Variants in CACNA1C observed in about 807,000 individuals in gnomAD.
CACNA1C encodes calcium voltage-gated channel subunit alpha1 C.
In CACNA1C, 30 loss-of-function variants were observed where a neutral mutation model predicts 229.0. The ratio of observed to expected loss-of-function variants is 0.13; its 90% CI spans 0.10 to 0.18. The LOEUF is 0.18. Ranked by LOEUF, CACNA1C falls within the 10% of genes least tolerant of loss-of-function variation. CACNA1C has a pLI of 1.00. For synonymous variants in CACNA1C, 1,114 were observed against 1,132.5 expected, an observed-to-expected ratio of 0.98 and a Z score of 0.33; for missense variants, 1,658 against 2,845.0, an observed-to-expected ratio of 0.58 and a Z score of 9.49.
chr12:2,382,193 T>G (rs780390090), intron 3 of CACNA1C, among the ~76,000 whole-genome samples: 8 of 152,204 alleles, frequency 5.3e-5, no homozygotes, highest in Admixed American at 2.6e-4. Context: ...ACAATAGCAT[T>G]AGCAGTTTCT....
At chr12:2,057,612 T>G (rs1434027787) in intron 1 of CACNA1C, among the ~76,000 whole-genome samples, 3 of 152,188 alleles carry the variant, frequency 2.0e-5, no homozygotes, top group African/African-American at 7.2e-5. Flanking sequence ...GGTCCCACAG[T>G]GACCTCTCCA....
At chr12:2,454,453 C>A (rs2099404018) in intron 4 of CACNA1C, among the ~76,000 whole-genome samples, 1 of 152,184 alleles carries the variant, frequency 6.6e-6, no homozygotes, top group Admixed American at 6.5e-5. Flanking sequence ...ACTCTTCATC[C>A]CTGCCACCAT....
chr12:2,519,609 G>A (rs981789989), intron 9 of CACNA1C, among the ~76,000 whole-genome samples: 11 of 152,222 alleles, frequency 7.2e-5, no homozygotes, highest in African/African-American at 1.9e-4. Context: ...TTGAAGTGCC[G>A]TGGGAAAGCA....
chr12:2,151,041 G>A (rs1211363992), intron 3 of CACNA1C, among the ~76,000 whole-genome samples: 1 of 152,112 alleles, frequency 6.6e-6, no homozygotes, highest in South Asian at 2.1e-4. Flanking sequence ...TGGCAATTAC[G>A]GAGAAGCATG....
Position 2,486,370 on chromosome 12 carries a change from C to G in CACNA1C, c.916+108C>G. 1.2e-6 allele frequency: 1 copy of G among 867,278 alleles called. No individual in the cohort carries two copies. The highest frequency in any genetic ancestry group is 1.7e-6 in the Non-Finnish European group (1 of 575,676). 53.7% of individuals were successfully genotyped at this position (867,278 alleles called of 1,614,324 possible). A position where few individuals can be genotyped will look rare whatever the true frequency, so the allele number is the denominator to read the frequency against. The stretch of plus-strand genomic sequence containing the variant: ...TGACCAGCAGAGCCCAGGGAAGGCC[C>G]CATTCATTCAGACACACACTGGGCA... On this transcript the variant is annotated intron_variant, in intron 6 of 46. Transcript: ENST00000399655. This position sits in a 1 kb window ranked among gnomAD's most constrained non-coding sequence, Gnocchi z 4.9.
At chr12:2,674,312 G>A (rs1603444939) in intron 38 of CACNA1C, among the ~76,000 whole-genome samples, 1 of 152,228 alleles carries the variant, frequency 6.6e-6, no homozygotes, top group African/African-American at 2.4e-5. Context: ...GAATGGCATT[G>A]GACGGGGCAC....
chr12:2,455,956 G>A (rs1247353164), intron 4 of CACNA1C, among the ~76,000 whole-genome samples: 1 of 152,046 alleles, frequency 6.6e-6, no homozygotes, highest in Non-Finnish European at 1.5e-5. Context: ...CATACAATTT[G>A]ACTTTAAATA....
intron 3 of CACNA1C, among the ~76,000 whole-genome samples, chr12:2,356,618 A>G (rs375860191): frequency 6.6e-6 from 1 of 152,232 alleles, no homozygotes; most frequent in East Asian, 1.9e-4. Context: ...TGAGGCAGAA[A>G]AAACATGACC....
chr12:2,408,759 C>A (rs1156999690), intron 3 of CACNA1C, among the ~76,000 whole-genome samples: 1 of 152,186 alleles, frequency 6.6e-6, no homozygotes, highest in Non-Finnish European at 1.5e-5. Flanking sequence ...CATTTCATTT[C>A]TTTTTGCTCA....
intron 38 of CACNA1C, among the ~76,000 whole-genome samples, chr12:2,670,272 T>G (rs1262413026): frequency 6.6e-6 from 1 of 152,106 alleles, no homozygotes; most frequent in Non-Finnish European, 1.5e-5. Flanking sequence ...TGTCCGTCAG[T>G]GTGTTCCTCG....
At chr12:2,308,398 G>C (rs1350551369) in intron 3 of CACNA1C, among the ~76,000 whole-genome samples, 1 of 151,980 alleles carries the variant, frequency 6.6e-6, no homozygotes, top group Non-Finnish European at 1.5e-5. Flanking sequence ...GTGAGATAAG[G>C]GTTCAACAGC....
rs971991187 is a variant in CACNA1C at position 2,545,553 on chromosome 12, C to T, written c.1391-4390C>T. Among the ~76,000 whole-genome samples, 8 of 152,230 alleles carry T rather than the reference C, an allele frequency of 5.3e-5. 1 individual carries two copies. The highest frequency in any genetic ancestry group is 7.4e-5 in the Non-Finnish European group (5 of 68,014). ...GTCTCCACTGCTTTATGACCCAAAT[C>T]GCTCGAATTTGCTCTTTAACATCCT... On this transcript the variant is annotated intron_variant, in intron 9 of 46. Transcript: ENST00000399655.
At chr12:2,177,668 G>A (rs1450382882) in intron 3 of CACNA1C, among the ~76,000 whole-genome samples, 1 of 126,786 alleles carries the variant, frequency 7.9e-6, no homozygotes, top group Non-Finnish European at 1.7e-5. Flanking sequence ...CTTTCTTCTC[G>A]CTCTGTTGCC....
At chr12:2,545,495 C>T (rs2099879502) in intron 9 of CACNA1C, among the ~76,000 whole-genome samples, 1 of 152,154 alleles carries the variant, frequency 6.6e-6, no homozygotes, top group Non-Finnish European at 1.5e-5. Context: ...GTTAGCAATT[C>T]CTGGGCCAAA....
intron 3 of CACNA1C, among the ~76,000 whole-genome samples, chr12:2,127,207 G>T (rs1483911684): frequency 6.6e-6 from 1 of 152,108 alleles, no homozygotes; most frequent in Non-Finnish European, 1.5e-5. Flanking sequence ...CACAGTGCTG[G>T]GTTGAATCAC....
chr12:2,486,359 C>T lies in CACNA1C; in HGVS notation c.916+97C>T. The T allele has an allele frequency of 1.0e-6, 1 of 976,652 alleles. No individual in the cohort carries two copies. The highest frequency in any genetic ancestry group is 1.5e-6 in the Non-Finnish European group (1 of 662,846). 60.5% of individuals were successfully genotyped at this position (976,652 alleles called of 1,614,324 possible). On this transcript the variant is annotated intron_variant, in intron 6 of 46. Transcript: ENST00000399655. The surrounding 1 kb of genome is among the most constrained non-coding windows in gnomAD (Gnocchi z 4.9). ...CTACACCAACATGACCAGCAGAGCC[C>T]AGGGAAGGCCCCATTCATTCAGACA...
In CACNA1C at chr12:2,678,117, G is replaced by A. The variant is rs541204547; in HGVS notation, c.5091+250G>A. Among the ~76,000 whole-genome samples, 2 of 152,290 alleles carry A rather than the reference G, an allele frequency of 1.3e-5. No homozygotes were observed. Among genetic ancestry groups the A allele is most frequent in the Admixed American group, 6.5e-5 (1 of 15,306 alleles). On this transcript the variant is annotated intron_variant, in intron 41 of 46. Coordinates refer to ENST00000399655, the MANE Select transcript of CACNA1C (RefSeq NM_000719.7). This position sits in a 1 kb window ranked among gnomAD's most constrained non-coding sequence, Gnocchi z 4.1. The stretch of plus-strand genomic sequence containing the variant: ...GCTCTCAGAGAAGCGGGAAGGAACC[G>A]CCTTCCTAAGGGAAATGTTTCCTAG...
intron 3 of CACNA1C, among the ~76,000 whole-genome samples, chr12:2,393,800 A>G (rs971907482): frequency 5.3e-5 from 8 of 152,140 alleles, no homozygotes; most frequent in African/African-American, 1.9e-4. Flanking sequence ...ACATCTCTGA[A>G]TTAGGCTGAA....
chr12:2,630,129 G>C lies in CACNA1C; in HGVS notation c.3829-4168G>C, dbSNP rs1358912137. On this transcript the variant is annotated intron_variant, in intron 29 of 46. Coordinates refer to ENST00000399655, the MANE Select transcript of CACNA1C (RefSeq NM_000719.7). The surrounding 1 kb of genome is among the most constrained non-coding windows in gnomAD (Gnocchi z 5.4). ...GTAGAGGTTTGGTTTGCCACTTCAAGGAGAGCCAGGAAAACCCTTTCTCCA... is the reference window on the plus strand; with the variant it reads ...GTAGAGGTTTGGTTTGCCACTTCAACGAGAGCCAGGAAAACCCTTTCTCCA... Among the ~76,000 whole-genome samples the C allele has an allele frequency of 1.3e-5, 2 of 152,224 alleles. No homozygotes were observed. Among genetic ancestry groups the C allele is most frequent in the Non-Finnish European group, 2.9e-5 (2 of 68,040 alleles).
Sources: allele counts gnomAD v4.1 joint callset (sites outside exome capture counted in the v4.1 genomes callset), GRCh38; gene constraint gnomAD v4.1.1; non-coding constraint Gnocchi (gnomAD v3.1); transcripts MANE v1.5; gene names NCBI Gene and HGNC (gene_info 2026-07-23, HGNC 2026-07-21).